Variants in RHOBTB1 observed in about 807,000 individuals in gnomAD.
The protein encoded by RHOBTB1 is rho-related BTB domain-containing protein 1.
In RHOBTB1, 40 loss-of-function variants were observed where a neutral mutation model predicts 71.6. That is an observed-to-expected ratio of 0.56 (90% confidence interval 0.43 to 0.73). The LOEUF is 0.73. Ranked by LOEUF, RHOBTB1 falls within the 30% of genes least tolerant of loss-of-function variation. RHOBTB1 has a pLI of 0.00. For synonymous variants in RHOBTB1, 319 were observed against 334.9 expected (o/e 0.95, Z 0.52); for missense variants, 797 against 894.0 (o/e 0.89, Z 1.38).
At position 60,910,862 on chromosome 10, in the gene RHOBTB1, C is replaced by T. The variant is rs189110704; in HGVS notation, c.296+25G>A. On this transcript the variant is annotated intron_variant, in intron 4 of 10. Coordinates refer to ENST00000337910, the MANE Select transcript of RHOBTB1 (RefSeq NM_014836.5). Reference sequence around the variant, plus strand: ...AAAAGGAAATTGCATTCAAGCTCAACCACGCTGTACTAGTCTTGGTTTACC... The same window carrying T: ...AAAAGGAAATTGCATTCAAGCTCAATCACGCTGTACTAGTCTTGGTTTACC... The T allele has an allele frequency of 4.4e-5, 68 of 1,561,184 alleles. 2 individuals are homozygous for T. In the African/African-American group the frequency reaches 7.4e-4, roughly 17 times the overall value.
At chr10:60,886,731 T>C (rs1437764474) in intron 6 of RHOBTB1, among the ~76,000 whole-genome samples, 1 of 142,172 alleles carries the variant, frequency 7.0e-6, no homozygotes, top group Non-Finnish European at 1.5e-5. Context: ...GGGGGGTGGG[T>C]CTGGCTATGT....
At chr10:60,944,769 G>A (rs2085145281), upstream of RHOBTB1, among the ~76,000 whole-genome samples, 1 of 152,202 alleles carries the variant, frequency 6.6e-6, no homozygotes, top group African/African-American at 2.4e-5. Context: ...CATTAGCCCA[G>A]CCTCCTCCTC....
At chr10:60,866,408 A>G (rs1407281260), downstream of RHOBTB1, among the ~76,000 whole-genome samples, 1 of 152,240 alleles carries the variant, frequency 6.6e-6, no homozygotes. Flanking sequence ...CACATGAAAC[A>G]ACACTGTATA....
chr10:60,920,763 T>C (rs2083514025), intron 2 of RHOBTB1, among the ~76,000 whole-genome samples: 1 of 151,828 alleles, frequency 6.6e-6, no homozygotes, highest in Non-Finnish European at 1.5e-5. Context: ...CAGGCCATCC[T>C]CTCACCTCAG....
At chr10:60,894,883 T>C (rs1228276973) in intron 4 of RHOBTB1, among the ~76,000 whole-genome samples, 1 of 152,196 alleles carries the variant, frequency 6.6e-6, no homozygotes, top group Non-Finnish European at 1.5e-5. Flanking sequence ...ATGACAGACA[T>C]GTAGCTAAAT....
chr10:60,962,271 G>T (rs2085808711), intron 2 of RHOBTB1, among the ~76,000 whole-genome samples: 1 of 152,054 alleles, frequency 6.6e-6, no homozygotes, highest in Non-Finnish European at 1.5e-5. Flanking sequence ...AAAATAATCT[G>T]GTTGTCTGTG....
At chr10:60,923,892 C>T (rs1248368655) in intron 2 of RHOBTB1, among the ~76,000 whole-genome samples, 1 of 152,174 alleles carries the variant, frequency 6.6e-6, no homozygotes, top group East Asian at 1.9e-4. Flanking sequence ...AACACGAGTC[C>T]ATGAAACCTC....
rs1481344236 is a variant in RHOBTB1, at chr10:60,955,056, T to TTTTC, written c.-61-13203_-61-13202insGAAA. Among the ~76,000 whole-genome samples, 16 of 149,074 alleles carry TTTTC rather than the reference T, an allele frequency of 1.1e-4. No homozygotes were observed. The South Asian group carries it at 1.7e-3, about 16-fold the overall frequency. On this transcript the variant is annotated intron_variant, in intron 2 of 11. Transcript: ENST00000357917. ...TTTTCTTTCTTTCTTTTTTTTTTTT[T>TTTTC]TTTTTTAAGATGTAGTCTTGTTCTG...
At chr10:60,897,820 C>T (rs1418724848) in intron 4 of RHOBTB1, among the ~76,000 whole-genome samples, 1 of 152,170 alleles carries the variant, frequency 6.6e-6, no homozygotes, top group Non-Finnish European at 1.5e-5. Flanking sequence ...AACTCTCCTG[C>T]CTCAGCCTCC....
intron 2 of RHOBTB1, among the ~76,000 whole-genome samples, chr10:60,924,585 T>A (rs2083759012): frequency 6.6e-6 from 1 of 152,150 alleles, no homozygotes; most frequent in South Asian, 2.1e-4. Context: ...ATTGGAAAGA[T>A]CATCTAGACA....
At chr10:60,909,847 T>C (rs2082876974) in intron 4 of RHOBTB1, among the ~76,000 whole-genome samples, 1 of 152,352 alleles carries the variant, frequency 6.6e-6, no homozygotes, top group Non-Finnish European at 1.5e-5. Flanking sequence ...AGTCACAGAT[T>C]CTTTCAGTGT....
chr10:60,955,934 C>T (rs931888667), intron 2 of RHOBTB1, among the ~76,000 whole-genome samples: 2 of 152,198 alleles, frequency 1.3e-5, no homozygotes, highest in African/African-American at 4.8e-5. Context: ...CATTGAACTA[C>T]TATCATGTGG....
At chr10:60,952,278 TA>T (rs1358244514) in intron 2 of RHOBTB1, among the ~76,000 whole-genome samples, 2 of 152,064 alleles carry the variant, frequency 1.3e-5, no homozygotes, top group African/African-American at 2.4e-5. Context: ...TTTGAGATCA[TA>T]AAAAAATGTT....
At chr10:60,908,773 A>C (rs1029205354) in intron 4 of RHOBTB1, among the ~76,000 whole-genome samples, 1 of 152,218 alleles carries the variant, frequency 6.6e-6, no homozygotes, top group Non-Finnish European at 1.5e-5. Flanking sequence ...TTATTCTTTA[A>C]CTAGAGGTGG....
intron 2 of RHOBTB1, among the ~76,000 whole-genome samples, chr10:60,957,913 T>C (rs1447322983): frequency 1.3e-5 from 2 of 152,110 alleles, no homozygotes; most frequent in Non-Finnish European, 2.9e-5. Context: ...AGTTCAAGGA[T>C]TAAAACTGAA....
chr10:60,894,121 T>A (rs906743228), intron 4 of RHOBTB1, among the ~76,000 whole-genome samples: 4 of 152,152 alleles, frequency 2.6e-5, no homozygotes, highest in Non-Finnish European at 4.4e-5. Context: ...ATTAATGAGC[T>A]TCCCCCCCTA....
intron 2 of RHOBTB1, among the ~76,000 whole-genome samples, chr10:60,929,480 G>A (rs1459656778): frequency 3.3e-5 from 5 of 151,826 alleles, no homozygotes; most frequent in Non-Finnish European, 5.9e-5. Context: ...AGATACTAGC[G>A]AAAACACCTA....
chr10:60,866,371 T>A (rs1159954278), downstream of RHOBTB1, among the ~76,000 whole-genome samples: 3 of 152,228 alleles, frequency 2.0e-5, no homozygotes, highest in Non-Finnish European at 4.4e-5. Flanking sequence ...AAATTTGCTA[T>A]GTAACACCAT....
intron 2 of RHOBTB1, among the ~76,000 whole-genome samples, chr10:60,957,406 A>G (rs912170615): frequency 3.9e-5 from 6 of 152,230 alleles, no homozygotes; most frequent in Admixed American, 6.5e-5. Flanking sequence ...AGAATTTTTC[A>G]GCTCCATTAT....
Sources: allele counts gnomAD v4.1 joint callset (sites outside exome capture counted in the v4.1 genomes callset), GRCh38; gene constraint gnomAD v4.1.1; transcripts MANE v1.5; gene names NCBI Gene and HGNC (gene_info 2026-07-23, HGNC 2026-07-21).